The following AUH variants were observed in gnomAD, a reference collection of about 807,000 sequenced individuals.
The protein encoded by AUH is AU RNA binding methylglutaconyl-CoA hydratase.
AUH carries 29 observed loss-of-function variants against 42.3 expected under a neutral mutation model. That is an observed-to-expected ratio of 0.69 (90% CI 0.51 to 0.93). AUH has a LOEUF of 0.93. Among genes scored for constraint, AUH ranks in the 40% least tolerant of loss-of-function variants. AUH has a pLI of 0.00. For missense variants in AUH, 452 were observed against 438.1 expected, an observed-to-expected ratio of 1.03 and a Z score of -0.28; for synonymous variants, 174 against 166.4, an observed-to-expected ratio of 1.05 and a Z score of -0.35.
chr9:91,267,101 G>A (rs932502515), intron 6 of AUH, among the ~76,000 whole-genome samples: 4 of 152,152 alleles, frequency 2.6e-5, no homozygotes, highest in African/African-American at 9.7e-5. Flanking sequence ...ATGCATCATT[G>A]AAACTTAGAA....
chr9:91,351,578 A>G (rs971190445), intron 3 of AUH, among the ~76,000 whole-genome samples: 16 of 152,198 alleles, frequency 1.1e-4, no homozygotes, highest in African/African-American at 3.9e-4. Context: ...GGGGTCCCCA[A>G]CCCGAGTTGA....
chr9:91,278,935 T>C (rs1435573918), intron 6 of AUH, among the ~76,000 whole-genome samples: 1 of 152,128 alleles, frequency 6.6e-6, no homozygotes, highest in Non-Finnish European at 1.5e-5. Context: ...AACATTTATG[T>C]CAAATTCTGG....
rs532668798 is a variant in AUH at position 91,218,035 on chromosome 9, C to T, written c.844-708G>A. The stretch of plus-strand genomic sequence containing the variant: ...TCATTATTGGATCACATTTTAAAGT[C>T]CTAAAATACCATTTATGGGTAATAA... On this transcript the variant is annotated intron_variant, in intron 7 of 9. Coordinates refer to ENST00000375731, the MANE Select transcript of AUH (RefSeq NM_001698.3). Among the ~76,000 whole-genome samples the T allele has an allele frequency of 3.3e-5, 5 of 152,204 alleles. No individual in the cohort carries two copies. The East Asian group carries it at 7.7e-4, about 24-fold the overall frequency.
At chr9:91,324,752 A>C (rs1162375924) in intron 4 of AUH, among the ~76,000 whole-genome samples, 1 of 151,838 alleles carries the variant, frequency 6.6e-6, no homozygotes, top group Non-Finnish European at 1.5e-5. Flanking sequence ...ATTTATTAAT[A>C]CTAAAATATA....
At chr9:91,301,747 T>C (rs1202441693) in intron 4 of AUH, among the ~76,000 whole-genome samples, 1 of 152,008 alleles carries the variant, frequency 6.6e-6, no homozygotes, top group African/African-American at 2.4e-5. Flanking sequence ...CAAGAGCAAG[T>C]CTCAGGCACC....
intron 6 of AUH, among the ~76,000 whole-genome samples, chr9:91,251,628 A>C (rs1199682620): frequency 6.6e-6 from 1 of 152,214 alleles, no homozygotes; most frequent in African/African-American, 2.4e-5. Flanking sequence ...CCAAATGTCG[A>C]GTGAATGCCA....
At chr9:91,241,893 G>A (rs182507519) in intron 6 of AUH, among the ~76,000 whole-genome samples, 2 of 152,302 alleles carry the variant, frequency 1.3e-5, no homozygotes, top group East Asian at 3.8e-4. Context: ...GTCTGTTTAA[G>A]AAAGAAACTA....
chr9:91,306,047 CA>C (rs1440064938), intron 4 of AUH, among the ~76,000 whole-genome samples: 5 of 152,164 alleles, frequency 3.3e-5, no homozygotes, highest in Non-Finnish European at 7.3e-5. Flanking sequence ...TCACTGGGTT[CA>C]ACTGGGGAAA....
At chr9:91,251,428 C>G (rs1468788332) in intron 6 of AUH, among the ~76,000 whole-genome samples, 1 of 152,186 alleles carries the variant, frequency 6.6e-6, no homozygotes. Context: ...AGTGTGAATA[C>G]TCATAGGAGA....
chr9:91,361,413 G>C (rs1832841974), intron 1 of AUH, among the ~76,000 whole-genome samples: 1 of 152,176 alleles, frequency 6.6e-6, no homozygotes, highest in African/African-American at 2.4e-5. Flanking sequence ...TAAGCTGCTC[G>C]GGGGTACACG....
At chr9:91,312,932 C>A (rs1346835228) in intron 4 of AUH, among the ~76,000 whole-genome samples, 1 of 152,162 alleles carries the variant, frequency 6.6e-6, no homozygotes, top group Non-Finnish European at 1.5e-5. Flanking sequence ...TGAGGCAGGG[C>A]AGCCTCCATT....
chr9:91,291,842 C>T (rs1251770791), intron 6 of AUH, among the ~76,000 whole-genome samples: 1 of 145,660 alleles, frequency 6.9e-6, no homozygotes, highest in Non-Finnish European at 1.5e-5. Context: ...CTCTAAGCAT[C>T]ATTTAGCATA....
chr9:91,260,112 T>G (rs1230298544), intron 6 of AUH, among the ~76,000 whole-genome samples: 2 of 152,176 alleles, frequency 1.3e-5, no homozygotes, highest in Non-Finnish European at 2.9e-5. Context: ...TAATATTTCT[T>G]GTCTTGAAGC....
At position 91,228,829 on chromosome 9, in the gene AUH, A is replaced by C. The variant is rs1235831165; in HGVS notation, c.656-7837T>G. 3.3e-5 allele frequency among the ~76,000 whole-genome samples: 5 copies of C among 152,314 alleles called. No homozygotes were observed. The East Asian group carries it at 9.6e-4, about 29-fold the overall frequency. On this transcript the variant is annotated intron_variant, in intron 6 of 9. Coordinates refer to ENST00000375731, the MANE Select transcript of AUH (RefSeq NM_001698.3). ...GTTATGTACCCAGTAGTCATTTAGG[A>C]GCAGGTTGTTCAGTTTCCATGTAGT...
At chr9:91,294,724 A>C in intron 6 of AUH, 1 of 456,066 alleles carries the variant, frequency 2.2e-6, no homozygotes, top group Non-Finnish European at 4.4e-6. Flanking sequence ...CAATATTAAC[A>C]GGAGTTTGGA....
chr9:91,261,660 A>G (rs181515849), intron 6 of AUH, among the ~76,000 whole-genome samples: 1 of 152,324 alleles, frequency 6.6e-6, no homozygotes, highest in East Asian at 1.9e-4. Context: ...CAGCCTCCTC[A>G]GAATTCCTAG....
intron 6 of AUH, among the ~76,000 whole-genome samples, chr9:91,255,344 T>C (rs1168862270): frequency 6.6e-6 from 1 of 152,236 alleles, no homozygotes; most frequent in Non-Finnish European, 1.5e-5. Flanking sequence ...AATGCTTTCA[T>C]GTTATATCGT....
At chr9:91,263,365 A>G (rs753378533) in intron 6 of AUH, among the ~76,000 whole-genome samples, 4 of 152,236 alleles carry the variant, frequency 2.6e-5, no homozygotes, top group Admixed American at 6.5e-5. Flanking sequence ...TTCAGGAAAA[A>G]GTGTTAGGTT....
chr9:91,219,424 T>C (rs1827008849), intron 7 of AUH, among the ~76,000 whole-genome samples: 1 of 152,232 alleles, frequency 6.6e-6, no homozygotes, highest in African/African-American at 2.4e-5. Flanking sequence ...TCAGTCAGAT[T>C]ATACTCTCCT....
Sources: allele counts gnomAD v4.1 joint callset (sites outside exome capture counted in the v4.1 genomes callset), GRCh38; gene constraint gnomAD v4.1.1; transcripts MANE v1.5; gene names NCBI Gene and HGNC (gene_info 2026-07-23, HGNC 2026-07-21).